DEF8: variants seen among roughly 807,000 people sequenced by gnomAD.
DEF8 encodes differentially expressed in FDCP 8 homolog, also known as DEF-8.
A neutral mutation model predicts 59.1 loss-of-function variants in DEF8; 38 were observed. The observed-to-expected ratio is 0.64, with a 90% confidence interval of 0.50 to 0.84. The LOEUF is 0.84. Among genes scored for constraint, DEF8 ranks in the 40% least tolerant of loss-of-function variants. The probability of loss-of-function intolerance (pLI) is 0.00; values close to 1 mark genes in which losing one functional copy is unlikely to be tolerated. For missense variants in DEF8, 557 were observed against 615.2 expected, an observed-to-expected ratio of 0.91 and a Z score of 1.00; for synonymous variants, 265 against 250.1, an observed-to-expected ratio of 1.06 and a Z score of -0.56.
In DEF8 at chr16:89,963,317, C is replaced by T. The variant is rs370905978; in HGVS notation, c.922-46C>T. On this transcript the variant is annotated intron_variant, in intron 9 of 12. Coordinates refer to ENST00000563594, the MANE Select transcript of DEF8 (RefSeq NM_001242818.2). ...GTGTGCGGCCCACACAGGGGCCGCCCTGTGTCCTGGCTGAGGAGGCCTGCC... is the reference window on the plus strand; with the variant it reads ...GTGTGCGGCCCACACAGGGGCCGCCTTGTGTCCTGGCTGAGGAGGCCTGCC... 1.8e-4 allele frequency: 277 copies of T among 1,581,170 alleles called. 1 individual carries two copies. Among genetic ancestry groups the T allele is most frequent in the Middle Eastern group, 1.7e-4 (1 of 5,892 alleles).
At chr16:89,953,974 C>T (rs1376343239) in intron 2 of DEF8, among the ~76,000 whole-genome samples, 1 of 152,196 alleles carries the variant, frequency 6.6e-6, no homozygotes, top group Non-Finnish European at 1.5e-5. Flanking sequence ...GAGCTTGGGC[C>T]CCTCAGATGG....
At chr16:89,963,270 C>G in intron 9 of DEF8, 93 bp from the exon 10 acceptor site, 4 of 1,087,562 alleles carry the variant, frequency 3.7e-6, no homozygotes, top group Non-Finnish European at 5.3e-6. Flanking sequence ...ACCAACCCCT[C>G]CTGGCCCTGC....
intron 6 of DEF8, 61 bp downstream of exon 6, chr16:89,959,216 G>A: frequency 6.2e-7 from 1 of 1,608,648 alleles, no homozygotes; most frequent in Non-Finnish European, 8.5e-7. Flanking sequence ...TGCCTCCGCT[G>A]GGCTCACATT....
chr16:89,964,035 T>C (rs750816823), intron 10 of DEF8, 135 bp from the exon 11 acceptor site: 2 of 1,218,916 alleles, frequency 1.6e-6, no homozygotes, highest in Admixed American at 3.4e-5. Context: ...TCCTGGATTC[T>C]ACTCCTGGGG....
At position 89,961,028 on chromosome 16, in the gene DEF8, C is replaced by G. The variant is rs1199007149; in HGVS notation, c.612C>G (p.Ile204Met). The G allele has an allele frequency of 1.2e-6, 2 of 1,614,068 alleles. No individual in the cohort carries two copies. Among genetic ancestry groups the G allele is most frequent in the Non-Finnish European group, 1.7e-6 (2 of 1,180,040 alleles). ...VSHQAEYELN[I>M]CPETGLDSQD... Reference sequence around the variant, plus strand: ...ACCAAGCTGAATACGAACTGAACATCTGCCCTGAGACAGGGCTGGACAGCC... The same window carrying G: ...ACCAAGCTGAATACGAACTGAACATGTGCCCTGAGACAGGGCTGGACAGCC... The change falls in exon 7 of 13, where the codon ATC becomes ATG. Residue 204 changes from isoleucine to methionine, a missense_variant. Coordinates refer to ENST00000563594, the MANE Select transcript of DEF8 (RefSeq NM_001242818.2).
At chr16:89,965,750 G>A in intron 12 of DEF8, 111 bp from the exon 13 acceptor site, 2 of 667,308 alleles carry the variant, frequency 3.0e-6, no homozygotes, top group East Asian at 2.8e-5. Flanking sequence ...CTCCGACTCT[G>A]CCCTTTGGTA....
chr16:89,959,406 A>T (rs1175219417), intron 6 of DEF8: 9 of 1,326,116 alleles, frequency 6.8e-6, no homozygotes, highest in Non-Finnish European at 8.9e-6. Flanking sequence ...AAGGGAAAGG[A>T]CCTAGCACGT....
At chr16:89,951,401 C>T (rs774188827) in intron 2 of DEF8, among the ~76,000 whole-genome samples, 4 of 152,090 alleles carry the variant, frequency 2.6e-5, no homozygotes, top group Non-Finnish European at 5.9e-5. Flanking sequence ...CCCACCACCA[C>T]GCCCGGCTAA....
At chr16:89,961,357 C>T (rs1028804081) in intron 7 of DEF8, among the ~76,000 whole-genome samples, 2 of 152,316 alleles carry the variant, frequency 1.3e-5, no homozygotes, top group East Asian at 1.9e-4. Flanking sequence ...TCCGCCTCCC[C>T]GTGTGAAAGC....
Position 89,967,326 on chromosome 16 carries a change from G to T in DEF8, c.*1363G>T, listed in dbSNP as rs902149011. 2.5e-6 allele frequency: 1 copy of T among 398,600 alleles called. No homozygotes were observed. Among genetic ancestry groups the T allele is most frequent in the Non-Finnish European group, 4.4e-6 (1 of 226,116 alleles). 24.7% of individuals were successfully genotyped at this position (398,600 alleles called of 1,614,324 possible). A position where few individuals can be genotyped will look rare whatever the true frequency, so the allele number is the denominator to read the frequency against. The stretch of plus-strand genomic sequence containing the variant: ...CCAAGAGGAGACACCTCAGTCAGCA[G>T]AAAGGCCACCTGGCTCACTGGCTCA... On this transcript the variant is annotated 3_prime_UTR_variant, in exon 13 of 13. Coordinates refer to ENST00000563594, the MANE Select transcript of DEF8 (RefSeq NM_001242818.2).
rs1024334660 is a variant in DEF8 at position 89,961,173 on chromosome 16, C to G, written c.679+78C>G. On this transcript the variant is annotated intron_variant, in intron 7 of 12. Transcript: ENST00000563594. ...CCGGGTGCACAGGTGTGTAAGGGCACGTAAGTCAGACAGTTGAGTGAGGCC... is the reference window on the plus strand; with the variant it reads ...CCGGGTGCACAGGTGTGTAAGGGCAGGTAAGTCAGACAGTTGAGTGAGGCC... The G allele has an allele frequency of 2.6e-6, 4 of 1,537,168 alleles. No individual in the cohort carries two copies. In the African/African-American group the frequency reaches 4.1e-5, roughly 16 times the overall value.
chr16:89,952,374 G>A (rs1042114476), intron 2 of DEF8, among the ~76,000 whole-genome samples: 2 of 152,180 alleles, frequency 1.3e-5, no homozygotes, highest in East Asian at 1.9e-4. Flanking sequence ...GGGAGAACAC[G>A]TACTTCCTGG....
chr16:89,964,300 T>C lies in DEF8; in HGVS notation c.1133T>C (p.Leu378Pro), dbSNP rs766080340. ...ACGCTCTTCGCCAAGCACATCAAGC[T>C]GGACTGCGAGGTGGGCCTCTGCCCG... Reference protein sequence around the residue: ...IHTLFAKHIKLDCERCQAKGF... With the variant: ...IHTLFAKHIKPDCERCQAKGF... Residue 378 changes from leucine to proline, a missense_variant, in exon 11 of 13, where the codon CTG becomes CCG. Transcript: ENST00000563594. 5 of 1,590,900 alleles carry C rather than the reference T, an allele frequency of 3.1e-6. No individual in the cohort carries two copies. The highest frequency in any genetic ancestry group is 1.7e-5 in the Admixed American group (1 of 58,828).
intron 2 of DEF8, chr16:89,950,266 T>C (rs1192941639): frequency 1.0e-6 from 1 of 985,554 alleles, no homozygotes; most frequent in African/African-American, 1.7e-5. Context: ...TCTGAGCAGC[T>C]CTGGGCTCCT....
At chr16:89,948,943 GACGGGGC>G (rs1426613239) in intron 1 of DEF8, 129 bp downstream of exon 1, 3 of 43,692 alleles carry the variant, frequency 6.9e-5, no homozygotes, top group African/African-American at 1.6e-4. Context: ...GGTCGGCGGG[GACGGGGC>G]TGGGAGGGAC....
chr16:89,960,811 T>C lies in DEF8; in HGVS notation c.515-120T>C. The C allele has an allele frequency of 3.9e-6, 4 of 1,018,068 alleles. No homozygotes were observed. In the South Asian group the frequency reaches 6.1e-5, roughly 15 times the overall value. 63.1% of individuals were successfully genotyped at this position (1,018,068 alleles called of 1,614,324 possible). A position where few individuals can be genotyped will look rare whatever the true frequency, so the allele number is the denominator to read the frequency against. The stretch of plus-strand genomic sequence containing the variant: ...TAAGGCCTCCCTTGGTGCCAGGAGG[T>C]CTTAGATTGATCTGGGCCTCAGAGT... On this transcript the variant is annotated intron_variant, in intron 6 of 12. Coordinates refer to ENST00000563594, the MANE Select transcript of DEF8 (RefSeq NM_001242818.2).
intron 12 of DEF8, 56 bp downstream of exon 12, chr16:89,964,631 G>A (rs2034448855): frequency 7.2e-7 from 1 of 1,396,486 alleles, no homozygotes; most frequent in Admixed American, 2.0e-5. Context: ...TGTCCTCTGG[G>A]GAGCTGCCCC....
intron 9 of DEF8, among the ~76,000 whole-genome samples, chr16:89,962,568 A>G (rs551046804): frequency 6.6e-6 from 1 of 152,214 alleles, no homozygotes; most frequent in Admixed American, 6.5e-5. Context: ...AGGCAGGAGA[A>G]TCACTTGAAC....
chr16:89,961,304 C>A (rs1296154793), intron 7 of DEF8, among the ~76,000 whole-genome samples: 1 of 152,242 alleles, frequency 6.6e-6, no homozygotes. Context: ...TTCCGTGACT[C>A]ACCCAGGTCA....
Sources: allele counts gnomAD v4.1 joint callset (sites outside exome capture counted in the v4.1 genomes callset), GRCh38; gene constraint gnomAD v4.1.1; transcripts MANE v1.5; gene names NCBI Gene and HGNC (gene_info 2026-07-23, HGNC 2026-07-21).